GRID1: variants seen among roughly 807,000 people sequenced by gnomAD.
GRID1 encodes the protein glutamate receptor ionotropic, delta-1.
GRID1 carries 28 observed loss-of-function variants against 98.0 expected under a neutral mutation model. That is an observed-to-expected ratio of 0.29 (90% CI 0.21 to 0.39). GRID1 has a LOEUF of 0.39. Ranked by LOEUF, GRID1 falls within the 10% of genes least tolerant of loss-of-function variation. The pLI, the probability that GRID1 is intolerant of heterozygous loss-of-function variation, is 1.00. For missense variants in GRID1, 1,111 were observed against 1,340.5 expected (o/e 0.83, Z 2.67); for synonymous variants, 553 against 538.5 (o/e 1.03, Z -0.37).
At chr10:86,354,914 C>A (rs1232011395) in intron 2 of GRID1, among the ~76,000 whole-genome samples, 2 of 152,226 alleles carry the variant, frequency 1.3e-5, no homozygotes, top group African/African-American at 4.8e-5. Context: ...TCTCTTGAGA[C>A]ACCCAGAATG....
At chr10:85,738,353 T>G (rs575773243) in intron 8 of GRID1, among the ~76,000 whole-genome samples, 1 of 152,170 alleles carries the variant, frequency 6.6e-6, no homozygotes, top group Admixed American at 6.6e-5. Flanking sequence ...TAAACCTCAC[T>G]AGAATGGCTA....
At chr10:86,203,577 A>G (rs1362000541) in intron 3 of GRID1, among the ~76,000 whole-genome samples, 2 of 93,868 alleles carry the variant, frequency 2.1e-5, no homozygotes, top group Non-Finnish European at 6.2e-5. Flanking sequence ...CCAAGCCTCA[A>G]TGCTTGTCAT....
intron 5 of GRID1, among the ~76,000 whole-genome samples, chr10:85,900,292 A>T (rs1841362593): frequency 1.3e-5 from 2 of 152,200 alleles, no homozygotes; most frequent in African/African-American, 4.8e-5. Flanking sequence ...CATAATGATT[A>T]TCCAGACTGG....
At chr10:86,249,392 T>G (rs1846784749) in intron 2 of GRID1, among the ~76,000 whole-genome samples, 1 of 152,188 alleles carries the variant, frequency 6.6e-6, no homozygotes, top group Non-Finnish European at 1.5e-5. Flanking sequence ...GATCCATCCT[T>G]GGACCCTCAT....
chr10:86,312,080 G>A (rs1847839509), intron 2 of GRID1, among the ~76,000 whole-genome samples: 1 of 152,208 alleles, frequency 6.6e-6, no homozygotes, highest in South Asian at 2.1e-4. Context: ...CACCGCACAG[G>A]CTCTTTCTGC....
At chr10:85,742,176 T>C (rs999982800) in intron 8 of GRID1, among the ~76,000 whole-genome samples, 1 of 152,236 alleles carries the variant, frequency 6.6e-6, no homozygotes, top group Non-Finnish European at 1.5e-5. Context: ...GCACGTGGCA[T>C]GCACTTAACA....
At chr10:86,154,134 A>T (rs1292698571) in intron 3 of GRID1, among the ~76,000 whole-genome samples, 2 of 152,106 alleles carry the variant, frequency 1.3e-5, no homozygotes, top group Non-Finnish European at 2.9e-5. Context: ...GGCTGCAACC[A>T]TGGGAAATAC....
chr10:85,785,865 C>G (rs1406379636), intron 8 of GRID1, among the ~76,000 whole-genome samples: 1 of 151,816 alleles, frequency 6.6e-6, no homozygotes, highest in Non-Finnish European at 1.5e-5. Context: ...GTGCATTAAA[C>G]AAATGCACAC....
intron 4 of GRID1, among the ~76,000 whole-genome samples, chr10:85,936,556 A>G (rs559101815): frequency 2.8e-4 from 43 of 151,870 alleles, no homozygotes; most frequent in African/African-American, 1.0e-3. Flanking sequence ...TAGAAGCCTC[A>G]CTCCCAATGG....
chr10:86,312,227 C>T lies in GRID1; in HGVS notation c.235+51714G>A, dbSNP rs555639443. Among the ~76,000 whole-genome samples, 588 of 152,352 alleles carry T rather than the reference C, an allele frequency of 3.9e-3. 4 individuals are homozygous for T. Among genetic ancestry groups the T allele is most frequent in the Non-Finnish European group, 4.1e-3 (282 of 68,034 alleles). On this transcript the variant is annotated intron_variant, in intron 2 of 15. Transcript: ENST00000327946. ...AGCCCAGATGACATCAGAGTCATTTCACTTTCAAAACAAATTCCCCCATGC... is the reference window on the plus strand; with the variant it reads ...AGCCCAGATGACATCAGAGTCATTTTACTTTCAAAACAAATTCCCCCATGC...
At chr10:85,857,723 C>T (rs1198354541) in intron 6 of GRID1, among the ~76,000 whole-genome samples, 1 of 152,140 alleles carries the variant, frequency 6.6e-6, no homozygotes, top group Non-Finnish European at 1.5e-5. Context: ...AACAAAATCA[C>T]CAGATAAAAA....
At chr10:86,350,340 G>C (rs557469275) in intron 2 of GRID1, among the ~76,000 whole-genome samples, 52 of 152,328 alleles carry the variant, frequency 3.4e-4, no homozygotes, top group African/African-American at 1.2e-3. Flanking sequence ...AGATAACTCT[G>C]GCTGCTACAT....
chr10:86,161,981 AG>A (rs1845329782), intron 3 of GRID1, among the ~76,000 whole-genome samples: 2 of 152,236 alleles, frequency 1.3e-5, no homozygotes, highest in South Asian at 4.1e-4. Flanking sequence ...TGTTTACCGA[AG>A]GAAAATGCTG....
intron 5 of GRID1, among the ~76,000 whole-genome samples, chr10:85,889,500 C>A (rs1048359260): frequency 6.6e-6 from 1 of 152,166 alleles, no homozygotes; most frequent in African/African-American, 2.4e-5. Flanking sequence ...AATATTGTCT[C>A]AAATGACAGA....
In GRID1 at chr10:85,805,993, T is replaced by C. The variant is rs1311314255; in HGVS notation, c.1233+48503A>G. Among the ~76,000 whole-genome samples the C allele has an allele frequency of 6.0e-5, 9 of 150,668 alleles. No homozygotes were observed. The South Asian group carries it at 1.5e-3, about 24-fold the overall frequency. ...AATTGGACCCCATAACTATCATGCT[T>C]TAAAAAAAAAAAAGTCCATTAAGGA... On this transcript the variant is annotated intron_variant, in intron 8 of 15. Transcript: ENST00000327946.
chr10:86,001,733 T>C (rs1289923401), intron 4 of GRID1, among the ~76,000 whole-genome samples: 1 of 152,210 alleles, frequency 6.6e-6, no homozygotes, highest in East Asian at 1.9e-4. Context: ...AGCTTGATTG[T>C]TGTAACTGAA....
intron 4 of GRID1, among the ~76,000 whole-genome samples, chr10:86,134,195 C>T (rs532348815): frequency 6.6e-6 from 1 of 152,352 alleles, no homozygotes; most frequent in East Asian, 1.9e-4. Flanking sequence ...TGGTGTGTGG[C>T]CACGACTTTC....
intron 4 of GRID1, among the ~76,000 whole-genome samples, chr10:86,127,692 A>C (rs1844774219): frequency 1.3e-5 from 2 of 151,590 alleles, no homozygotes; most frequent in Non-Finnish European, 1.5e-5. Flanking sequence ...CCTCCTTACC[A>C]CCCGAGGTGC....
At chr10:85,899,092 G>A (rs1841339830) in intron 5 of GRID1, among the ~76,000 whole-genome samples, 1 of 152,218 alleles carries the variant, frequency 6.6e-6, no homozygotes, top group Non-Finnish European at 1.5e-5. Context: ...TTATGGGACT[G>A]CTGTTGTACA....
Sources: allele counts gnomAD v4.1 joint callset (sites outside exome capture counted in the v4.1 genomes callset), GRCh38; gene constraint gnomAD v4.1.1; transcripts MANE v1.5; gene names NCBI Gene and HGNC (gene_info 2026-07-23, HGNC 2026-07-21).